SLC36A1: variants seen among roughly 807,000 people sequenced by gnomAD.
SLC36A1 encodes solute carrier family 36 member 1, also known as proton-coupled amino acid transporter 1.
SLC36A1 carries 30 observed loss-of-function variants against 47.5 expected under a neutral mutation model. The ratio of observed to expected loss-of-function variants is 0.63; its 90% CI spans 0.47 to 0.86. The LOEUF (loss-of-function observed/expected upper bound fraction) is 0.86. Ranked by LOEUF, SLC36A1 falls within the 40% of genes least tolerant of loss-of-function variation. The pLI, the probability that SLC36A1 is intolerant of heterozygous loss-of-function variation, is 0.00. For missense variants in SLC36A1, 517 were observed against 606.0 expected (o/e 0.85, Z 1.54); for synonymous variants, 255 against 249.7 (o/e 1.02, Z -0.20).
chr5:151,450,201 G>A (rs1319991056), intron 1 of SLC36A1, among the ~76,000 whole-genome samples: 2 of 151,586 alleles, frequency 1.3e-5, no homozygotes, highest in African/African-American at 4.9e-5. Flanking sequence ...AGCACGTAGA[G>A]TGGACGGAGC....
chr5:151,544,697 T>A, the SLC36A1 span: 2 of 1,614,076 alleles, frequency 1.2e-6, no homozygotes, highest in African/African-American at 2.7e-5. Flanking sequence ...TCCCGAGCAA[T>A]GACTTTGAGG....
At chr5:151,385,358 A>G in the SLC36A1 span, among the ~76,000 whole-genome samples, 2 of 152,190 alleles carry the variant, frequency 1.3e-5, no homozygotes, top group African/African-American at 4.8e-5. Context: ...CCACCTGGCC[A>G]TGTCAGGCAG....
At chr5:151,531,438 G>A in the SLC36A1 span, 14 of 1,147,368 alleles carry the variant, frequency 1.2e-5, no homozygotes, top group African/African-American at 1.6e-5. This position sits in a 1 kb window ranked among gnomAD's most constrained non-coding sequence, Gnocchi z 5.7. Flanking sequence ...CCTGGTACTC[G>A]GAGAGAAGCA....
chr5:151,447,371 C>CT (rs1752990465), upstream of SLC36A1, among the ~76,000 whole-genome samples: 1 of 152,238 alleles, frequency 6.6e-6, no homozygotes, highest in African/African-American at 2.4e-5. Context: ...ACCCACAACT[C>CT]AAGGGACAGT....
intron 5 of SLC36A1, among the ~76,000 whole-genome samples, chr5:151,465,645 G>A (rs995605727): frequency 7.9e-5 from 12 of 152,174 alleles, no homozygotes; most frequent in Non-Finnish European, 1.6e-4. Flanking sequence ...AGTAGTGGGA[G>A]ACACCCATAA....
At chr5:151,424,910 G>T in the SLC36A1 span, among the ~76,000 whole-genome samples, 1 of 152,122 alleles carries the variant, frequency 6.6e-6, no homozygotes, top group African/African-American at 2.4e-5. Flanking sequence ...TGTGGTGATG[G>T]TTGCACAACT....
intron 5 of SLC36A1, among the ~76,000 whole-genome samples, chr5:151,466,926 A>T (rs1756482466): frequency 6.6e-6 from 1 of 152,170 alleles, no homozygotes; most frequent in Admixed American, 6.5e-5. Context: ...TTCTCCTGCC[A>T]GGGCATCTCG....
the SLC36A1 span, among the ~76,000 whole-genome samples, chr5:151,498,059 C>G: frequency 1.3e-5 from 2 of 152,068 alleles, no homozygotes; most frequent in African/African-American, 4.8e-5. Flanking sequence ...GATTCTCTGC[C>G]TCAGCCTCCT....
chr5:151,469,301 T>C (rs1305684618), intron 7 of SLC36A1: 11 of 685,974 alleles, frequency 1.6e-5, no homozygotes, highest in Non-Finnish European at 2.9e-5. Flanking sequence ...CATTGAAATA[T>C]ATTTTGTTTT....
intron 10 of SLC36A1, among the ~76,000 whole-genome samples, chr5:151,482,378 T>C (rs1264446755): frequency 2.6e-5 from 4 of 152,042 alleles, no homozygotes; most frequent in Non-Finnish European, 5.9e-5. Context: ...AACTCCAAAA[T>C]TCTGTGATTC....
At chr5:151,408,260 C>T in the SLC36A1 span, among the ~76,000 whole-genome samples, 2 of 152,180 alleles carry the variant, frequency 1.3e-5, no homozygotes, top group East Asian at 3.9e-4. Context: ...GCGATCTTGA[C>T]TCACTGCAAC....
the SLC36A1 span, among the ~76,000 whole-genome samples, chr5:151,525,285 T>TC: frequency 6.6e-6 from 1 of 152,116 alleles, no homozygotes; most frequent in East Asian, 1.9e-4. Context: ...ATGAAACCCA[T>TC]AACACCACCA....
At chr5:151,528,040 T>C in the SLC36A1 span, 1 of 1,614,210 alleles carries the variant, frequency 6.2e-7, no homozygotes, top group Non-Finnish European at 8.5e-7. Flanking sequence ...TCCCCCTTTT[T>C]GGGGTGAATG....
chr5:151,454,923 G>T (rs1181322484), intron 1 of SLC36A1, among the ~76,000 whole-genome samples: 1 of 151,930 alleles, frequency 6.6e-6, no homozygotes, highest in East Asian at 1.9e-4. Context: ...GACAGTTTTT[G>T]TACCCCTCAA....
the SLC36A1 span, among the ~76,000 whole-genome samples, chr5:151,421,746 A>G: frequency 6.6e-6 from 1 of 151,512 alleles, no homozygotes; most frequent in Non-Finnish European, 1.5e-5. Context: ...ATGTGCCACC[A>G]TGCCCAGCTA....
At chr5:151,518,374 A>ATTATTATTATTTTT in the SLC36A1 span, among the ~76,000 whole-genome samples, 1 of 147,396 alleles carries the variant, frequency 6.8e-6, no homozygotes, top group Non-Finnish European at 1.5e-5. Context: ...TAATAATAAT[A>ATTATTATTATTTTT]ATTTTTAAAA....
the SLC36A1 span, among the ~76,000 whole-genome samples, chr5:151,402,598 G>A: frequency 1.3e-5 from 2 of 152,062 alleles, no homozygotes; most frequent in Non-Finnish European, 2.9e-5. Context: ...ATAGAATTTG[G>A]CTGTAAATCC....
the SLC36A1 span, among the ~76,000 whole-genome samples, chr5:151,394,426 C>G: frequency 6.6e-6 from 1 of 152,256 alleles, no homozygotes; most frequent in African/African-American, 2.4e-5. Context: ...CTCCGTCCAG[C>G]TTTGTTCCAT....
At chr5:151,452,226 A>T (rs956307376) in intron 1 of SLC36A1, 1 of 152,214 alleles carries the variant, frequency 6.6e-6, no homozygotes, top group Non-Finnish European at 1.5e-5. Flanking sequence ...GGTAAGTTGG[A>T]TGGAATTCTA....
Sources: gnomAD v4.1 joint callset for allele counts (sites outside exome capture counted in the v4.1 genomes callset) on GRCh38, gnomAD v4.1.1 for gene constraint, Gnocchi (gnomAD v3.1) non-coding constraint, MANE v1.5 for transcripts, NCBI Gene and HGNC (gene_info 2026-07-23, HGNC 2026-07-21) for gene names.